CC2D2B: variants seen among roughly 807,000 people sequenced by gnomAD.
CC2D2B encodes coiled-coil and C2 domain containing 2B, also known as protein CC2D2B.
In CC2D2B, 128 loss-of-function variants were observed where a neutral mutation model predicts 161.2. The ratio of observed to expected loss-of-function variants is 0.79; its 90% CI spans 0.69 to 0.92. CC2D2B has a LOEUF of 0.92. CC2D2B is among the 40% of genes least tolerant of loss of function. The pLI is 0.00. For missense variants in CC2D2B, 1,173 were observed against 1,375.1 expected (o/e 0.85, Z 2.32); for synonymous variants, 391 against 449.8 (o/e 0.87, Z 1.65).
intron 20 of CC2D2B, among the ~76,000 whole-genome samples, chr10:95,989,892 A>G (rs1405132191): frequency 2.0e-5 from 3 of 152,222 alleles, no homozygotes; most frequent in East Asian, 3.9e-4. Context: ...TATTACGGCC[A>G]TAGGTACCTA....
chr10:96,008,168 C>CTTTTTTTTTTTTTTTTTTTTT (rs56354333), intron 25 of CC2D2B, among the ~76,000 whole-genome samples: 3 of 130,396 alleles, frequency 2.3e-5, no homozygotes, highest in Non-Finnish European at 4.8e-5. Context: ...GGTATGTGTT[C>CTTTTTTTTTTTTTTTTTTTTT]TTTTTTTTTT....
chr10:96,013,774 G>A lies in CC2D2B; in HGVS notation c.3427-14G>A, dbSNP rs371948458. On this transcript the variant is annotated splice_polypyrimidine_tract_variant and intron_variant, in intron 28 of 34. Coordinates refer to ENST00000646931, the MANE Select transcript of CC2D2B (RefSeq NM_001349008.3). ...CATACAGCACACACTCAATAAATGT[G>A]AATATTATTCTAGGACCTCATTGCT... 2.0e-6 allele frequency: 3 copies of A among 1,526,330 alleles called. No individual in the cohort carries two copies. The highest frequency in any genetic ancestry group is 1.1e-5 in the South Asian group (1 of 87,620). 94.5% of individuals were successfully genotyped at this position (1,526,330 alleles called of 1,614,324 possible).
chr10:95,925,730 C>T (rs747224521), intron 5 of CC2D2B, among the ~76,000 whole-genome samples: 15 of 152,174 alleles, frequency 9.9e-5, no homozygotes, highest in Admixed American at 3.9e-4. Flanking sequence ...GAGAGTTTTG[C>T]CATCTCCAAT....
chr10:96,027,326 C>T lies in CC2D2B; in HGVS notation c.4062C>T (p.Gly1354=), dbSNP rs1348415427. The T allele has an allele frequency of 1.3e-6, 2 of 1,550,848 alleles. No individual in the cohort carries two copies. Among genetic ancestry groups the T allele is most frequent in the East Asian group, 2.4e-5 (1 of 40,866 alleles). The change falls in exon 34 of 35, where the codon GGC becomes GGT. Residue 1354 remains glycine, a synonymous_variant. Coordinates refer to ENST00000646931, the MANE Select transcript of CC2D2B (RefSeq NM_001349008.3). ...LRQILPKLEF[G]IGSFVSSEGD... ...AAATCCTTCCTAAGCTGGAATTTGG[C>T]ATAGGAAGCTTTGTTTCATCTGAAG...
chr10:95,989,405 C>G (rs2077860095), intron 20 of CC2D2B, among the ~76,000 whole-genome samples: 1 of 152,176 alleles, frequency 6.6e-6, no homozygotes, highest in Non-Finnish European at 1.5e-5. Flanking sequence ...TGTAGCTCTC[C>G]CAGGCATGAG....
At chr10:95,980,859 C>A (rs1368257846) in intron 17 of CC2D2B, among the ~76,000 whole-genome samples, 1 of 152,100 alleles carries the variant, frequency 6.6e-6, no homozygotes, top group Non-Finnish European at 1.5e-5. Context: ...TAGACAGGAA[C>A]CTTTCTGGAC....
At chr10:95,974,188 C>G in intron 17 of CC2D2B, 32 bp downstream of exon 17, 1 of 1,172,664 alleles carries the variant, frequency 8.5e-7, no homozygotes, top group Non-Finnish European at 1.1e-6. Context: ...AAAATAATGC[C>G]AGGTCTCAGC....
chr10:95,952,919 G>A (rs1274933741), intron 10 of CC2D2B, among the ~76,000 whole-genome samples: 1 of 152,042 alleles, frequency 6.6e-6, no homozygotes, highest in African/African-American at 2.4e-5. Flanking sequence ...AAAGGTAAGG[G>A]TATATGCAGT....
intron 11 of CC2D2B, among the ~76,000 whole-genome samples, chr10:95,957,640 G>A (rs1238311332): frequency 7.2e-6 from 1 of 138,882 alleles, no homozygotes; most frequent in Non-Finnish European, 1.5e-5. Context: ...GGCTCACTGC[G>A]ACCTTCACTT....
rs1472248696 is a variant in CC2D2B, at chr10:95,938,190, G to A, written c.535+1G>A. On this transcript the variant is annotated splice_donor_variant, in intron 7 of 34. Transcript: ENST00000646931. LOFTEE classifies it high-confidence loss of function. ...ATTTTTGTACCAAGTAGTTCTCCAGGTAACATTCTTTCCCAGTAAAATATT... is the reference window on the plus strand; with the variant it reads ...ATTTTTGTACCAAGTAGTTCTCCAGATAACATTCTTTCCCAGTAAAATATT... The A allele has an allele frequency of 1.3e-6, 2 of 1,534,354 alleles. No individual in the cohort carries two copies. Among genetic ancestry groups the A allele is most frequent in the Non-Finnish European group, 1.8e-6 (2 of 1,132,904 alleles).
At chr10:96,015,856 C>A (rs1391592040) in intron 29 of CC2D2B, among the ~76,000 whole-genome samples, 1 of 152,176 alleles carries the variant, frequency 6.6e-6, no homozygotes, top group East Asian at 1.9e-4. Context: ...GATAAGGTTC[C>A]TCGAAATACC....
intron 29 of CC2D2B, among the ~76,000 whole-genome samples, chr10:96,015,403 A>G (rs1277732237): frequency 6.6e-6 from 1 of 151,642 alleles, no homozygotes; most frequent in Non-Finnish European, 1.5e-5. Context: ...TGGTGTAGCC[A>G]CTAGTCAGCA....
chr10:95,945,983 C>T (rs1006810087), intron 9 of CC2D2B, among the ~76,000 whole-genome samples: 1 of 151,932 alleles, frequency 6.6e-6, no homozygotes, highest in East Asian at 1.9e-4. Flanking sequence ...TGGGGTTTTG[C>T]CATGTTGGCC....
intron 32 of CC2D2B, among the ~76,000 whole-genome samples, chr10:96,024,233 C>CTGTGTA (rs1203711094): frequency 1.4e-5 from 2 of 143,504 alleles, no homozygotes; most frequent in Non-Finnish European, 3.1e-5. Flanking sequence ...GAAATGGATT[C>CTGTGTA]TGTGTATGTG....
chr10:95,947,948 T>A (rs991265328), intron 9 of CC2D2B, among the ~76,000 whole-genome samples: 3 of 152,208 alleles, frequency 2.0e-5, no homozygotes, highest in Non-Finnish European at 4.4e-5. Flanking sequence ...ATCACCAGTG[T>A]ATTCATTTAT....
chr10:95,947,114 T>TATATATA (rs1491386108), intron 9 of CC2D2B, among the ~76,000 whole-genome samples: 719 of 23,232 alleles, frequency 0.031, 15 homozygotes, highest in Non-Finnish European at 0.035. Flanking sequence ...TATATATATA[T>TATATATA]TTTTTTTTTT....
intron 6 of CC2D2B, among the ~76,000 whole-genome samples, chr10:95,931,570 C>T (rs78978162): frequency 0.16 from 24,763 of 151,958 alleles, 2,153 homozygotes; most frequent in Middle Eastern, 0.26. Flanking sequence ...CCAGAGATTC[C>T]GGTACATTGT....
chr10:96,032,260 C>G lies in CC2D2B; in HGVS notation c.*252C>G. ...TTTGGATAGTCTGGCTTTCTTGGGT[C>G]ACTGTCTGCAGTAGGTCTTATTCTG... On this transcript the variant is annotated 3_prime_UTR_variant, in exon 35 of 35. Transcript: ENST00000646931. 1 of 398,782 alleles carries G rather than the reference C, an allele frequency of 2.5e-6. No homozygotes were observed. Among genetic ancestry groups the G allele is most frequent in the African/African-American group, 2.0e-5 (1 of 50,550 alleles). 24.7% of individuals were successfully genotyped at this position (398,782 alleles called of 1,614,324 possible).
chr10:95,970,253 C>CG (rs997506971), intron 15 of CC2D2B, among the ~76,000 whole-genome samples: 1 of 151,986 alleles, frequency 6.6e-6, no homozygotes, highest in Admixed American at 6.6e-5. Flanking sequence ...AGGCTGGTCT[C>CG]GAACTCCTGA....
Sources: allele counts gnomAD v4.1 joint callset (sites outside exome capture counted in the v4.1 genomes callset), GRCh38; gene constraint gnomAD v4.1.1; transcripts MANE v1.5; gene names NCBI Gene and HGNC (gene_info 2026-07-23, HGNC 2026-07-21).